Variants in CAB39 observed in about 807,000 individuals in gnomAD.
CAB39 encodes calcium-binding protein 39.
In CAB39, 8 loss-of-function variants were observed where a neutral mutation model predicts 40.0. The ratio of observed to expected loss-of-function variants is 0.20; its 90% CI spans 0.12 to 0.36. The LOEUF (loss-of-function observed/expected upper bound fraction) is 0.36. Ranked by LOEUF, CAB39 falls within the 10% of genes least tolerant of loss-of-function variation. The probability of loss-of-function intolerance (pLI) is 1.00; values close to 1 mark genes in which losing one functional copy is unlikely to be tolerated. For missense variants in CAB39, 270 were observed against 401.1 expected, an observed-to-expected ratio of 0.67 and a Z score of 2.79; for synonymous variants, 156 against 141.6, an observed-to-expected ratio of 1.10 and a Z score of -0.72.
chr2:230,811,784 C>T (rs891427910), intron 6 of CAB39, among the ~76,000 whole-genome samples: 1 of 152,224 alleles, frequency 6.6e-6, no homozygotes, highest in Non-Finnish European at 1.5e-5. Flanking sequence ...TTTATCATCA[C>T]CACAAAGATT....
intron 2 of CAB39, among the ~76,000 whole-genome samples, chr2:230,762,692 T>C (rs961812227): frequency 1.3e-5 from 2 of 152,238 alleles, no homozygotes; most frequent in Non-Finnish European, 2.9e-5. Flanking sequence ...TGGCTAAATA[T>C]GTTGTCTACT....
intron 7 of CAB39, 138 bp downstream of exon 7, chr2:230,814,252 C>T (rs948962432): frequency 1.8e-5 from 10 of 549,692 alleles, no homozygotes; most frequent in Non-Finnish European, 2.9e-5. Context: ...AAGATTTTTG[C>T]GGAAAGGAAT....
In CAB39 at chr2:230,813,928, A is replaced by C. The variant is rs868199755; in HGVS notation, c.628-121A>C. The C allele has an allele frequency of 4.7e-5, 26 of 549,596 alleles. No individual in the cohort carries two copies. The Middle Eastern group carries it at 2.9e-3, about 60-fold the overall frequency. The allele number at this position is 549,596 out of a possible 1,614,324, so 34.0% of individuals were successfully genotyped here. On this transcript the variant is annotated intron_variant, in intron 6 of 8. Coordinates refer to ENST00000258418, the MANE Select transcript of CAB39 (RefSeq NM_016289.4). ...GGAGCCAGGGCAGCTGTTGGCCTTC[A>C]TGGTGTGAGAAATGTGTCCTTAAGC...
intron 2 of CAB39, among the ~76,000 whole-genome samples, chr2:230,782,241 C>T (rs1392417142): frequency 6.6e-6 from 1 of 152,156 alleles, no homozygotes; most frequent in Non-Finnish European, 1.5e-5. Flanking sequence ...TCTTGTGAAA[C>T]ACTTATTAAA....
intron 6 of CAB39, among the ~76,000 whole-genome samples, chr2:230,812,891 A>G (rs527859078): frequency 6.6e-6 from 1 of 152,224 alleles, no homozygotes; most frequent in South Asian, 2.1e-4. Context: ...TTCAGTAAAC[A>G]AACGAGCATG....
intron 2 of CAB39, among the ~76,000 whole-genome samples, chr2:230,773,312 A>ATGTGTGTGTGTG (rs1321034177): frequency 0.028 from 2,388 of 84,896 alleles, 32 homozygotes; most frequent in East Asian, 0.039. Flanking sequence ...ATATATATAT[A>ATGTGTGTGTGTG]TATGTGTGTG....
chr2:230,724,424 G>A (rs1694516305), intron 1 of CAB39, among the ~76,000 whole-genome samples: 1 of 151,942 alleles, frequency 6.6e-6, no homozygotes, highest in Non-Finnish European at 1.5e-5. Context: ...GCTCGCCCCT[G>A]TAATCCCAGC....
At chr2:230,769,003 A>T (rs565113425) in intron 2 of CAB39, among the ~76,000 whole-genome samples, 1 of 152,182 alleles carries the variant, frequency 6.6e-6, no homozygotes, top group African/African-American at 2.4e-5. Context: ...GGTGCCTATT[A>T]AAAAATGTAC....
At chr2:230,774,644 G>A (rs1046631661) in intron 2 of CAB39, among the ~76,000 whole-genome samples, 9 of 152,128 alleles carry the variant, frequency 5.9e-5, no homozygotes, top group African/African-American at 2.2e-4. Context: ...TGTTCACAGG[G>A]TTGAATAGCT....
chr2:230,796,868 A>T (rs1291117057), intron 4 of CAB39, among the ~76,000 whole-genome samples: 1 of 152,196 alleles, frequency 6.6e-6, no homozygotes, highest in Non-Finnish European at 1.5e-5. Flanking sequence ...ACAAAGGTAC[A>T]GGGGCAGGAA....
intron 3 of CAB39, among the ~76,000 whole-genome samples, chr2:230,792,375 T>C (rs888992683): frequency 3.9e-5 from 6 of 152,208 alleles, no homozygotes; most frequent in Admixed American, 1.3e-4. Flanking sequence ...TTCTTAGAGA[T>C]TGCCATTTCT....
At position 230,816,350 on chromosome 2, in the gene CAB39, G is replaced by A. The variant is rs115136163; in HGVS notation, c.694-1404G>A. 6.2e-3 allele frequency among the ~76,000 whole-genome samples: 944 copies of A among 152,304 alleles called. 5 individuals carry two copies. The highest frequency in any genetic ancestry group is 0.017 in the African/African-American group (710 of 41,570). ...GGTTTCTGTGATAGAAAAAGAACAC[G>A]AAAGCTATAAATCACATAATACTAA... On this transcript the variant is annotated intron_variant, in intron 7 of 8. Coordinates refer to ENST00000258418, the MANE Select transcript of CAB39 (RefSeq NM_016289.4).
chr2:230,749,869 T>C (rs1695055833), intron 1 of CAB39, among the ~76,000 whole-genome samples: 1 of 152,170 alleles, frequency 6.6e-6, no homozygotes, highest in Admixed American at 6.5e-5. Flanking sequence ...TATGAATATA[T>C]TGATTGTAGT....
intron 1 of CAB39, among the ~76,000 whole-genome samples, chr2:230,736,853 A>G (rs1314240808): frequency 6.6e-6 from 1 of 152,008 alleles, no homozygotes; most frequent in Admixed American, 6.6e-5. Flanking sequence ...TAATTAAATC[A>G]TTTTTCTGAT....
chr2:230,809,633 T>C (rs939912986), intron 5 of CAB39, among the ~76,000 whole-genome samples: 1 of 152,220 alleles, frequency 6.6e-6, no homozygotes, highest in Admixed American at 6.5e-5. Context: ...TTGGGAAAGC[T>C]ATAGGGTGAG....
intron 1 of CAB39, among the ~76,000 whole-genome samples, chr2:230,729,540 T>G (rs1694649612): frequency 1.3e-5 from 2 of 151,848 alleles, no homozygotes; most frequent in African/African-American, 2.4e-5. Context: ...TCACCTGAGG[T>G]CAGGAGTTCA....
At chr2:230,756,287 T>C (rs1695188592) in intron 1 of CAB39, among the ~76,000 whole-genome samples, 1 of 152,322 alleles carries the variant, frequency 6.6e-6, no homozygotes, top group East Asian at 1.9e-4. Flanking sequence ...ATATAGCCTA[T>C]TGCTCTTAGG....
intron 2 of CAB39, among the ~76,000 whole-genome samples, chr2:230,773,528 G>A (rs570067446): frequency 1.6e-3 from 247 of 152,190 alleles, no homozygotes; most frequent in Non-Finnish European, 2.7e-3. Context: ...GAAATTCAGC[G>A]ATTATCTTCT....
chr2:230,773,929 C>T (rs1244696804), intron 2 of CAB39, among the ~76,000 whole-genome samples: 2 of 152,132 alleles, frequency 1.3e-5, no homozygotes, highest in Non-Finnish European at 2.9e-5. Flanking sequence ...GACTAGGTGA[C>T]CACTTAGTTA....
Sources: gnomAD v4.1 joint callset for allele counts (sites outside exome capture counted in the v4.1 genomes callset) on GRCh38, gnomAD v4.1.1 for gene constraint, MANE v1.5 for transcripts, NCBI Gene and HGNC (gene_info 2026-07-23, HGNC 2026-07-21) for gene names.